Variants in PKIB observed in about 807,000 individuals in gnomAD.
PKIB encodes the protein cAMP-dependent protein kinase inhibitor beta, also known as PKI-beta.
A neutral mutation model predicts 4.5 loss-of-function variants in PKIB; 2 were observed. The observed-to-expected ratio is 0.44, with a 90% confidence interval of 0.18 to 1.39. The LOEUF (loss-of-function observed/expected upper bound fraction) is 1.39. Ranked by LOEUF, PKIB falls within the 40% of genes most tolerant of loss-of-function variation. The pLI is 0.27. For missense variants in PKIB, 94 were observed against 92.6 expected, an observed-to-expected ratio of 1.02 and a Z score of -0.06; for synonymous variants, 38 against 36.0, an observed-to-expected ratio of 1.06 and a Z score of -0.20.
At chr6:122,529,503 C>T (rs1425101194) in intron 2 of PKIB, among the ~76,000 whole-genome samples, 1 of 152,052 alleles carries the variant, frequency 6.6e-6, no homozygotes, top group Non-Finnish European at 1.5e-5. Flanking sequence ...TATAAATTTA[C>T]CTTTACGAGA....
chr6:122,518,305 C>T (rs746165617), intron 2 of PKIB, among the ~76,000 whole-genome samples: 18 of 152,044 alleles, frequency 1.2e-4, no homozygotes, highest in Non-Finnish European at 2.2e-4. Context: ...TTTAAGAGTT[C>T]AAGATTTAAG....
At chr6:122,485,120 T>C (rs1775725451) in intron 2 of PKIB, among the ~76,000 whole-genome samples, 1 of 152,206 alleles carries the variant, frequency 6.6e-6, no homozygotes, top group Non-Finnish European at 1.5e-5. Context: ...GCTGTGATTC[T>C]GGGGGCTGCC....
rs1174101766 is a variant in PKIB, at chr6:122,726,290, T to C, written c.*1095T>C. ...TTTCAGAAATATATGCATGCAGTTA[T>C]GTTTTATTTGATTGTTGACTTAGGC... On this transcript the variant is annotated 3_prime_UTR_variant, in exon 5 of 5. Transcript: ENST00000368452. 4 of 152,178 alleles carry C rather than the reference T, an allele frequency of 2.6e-5. No homozygotes were observed. Among genetic ancestry groups the C allele is most frequent in the Non-Finnish European group, 5.9e-5 (4 of 68,008 alleles). The allele number at this position is 152,178 out of a possible 1,614,324, so 9.4% of individuals were successfully genotyped here.
At chr6:122,625,555 T>C (rs1775402573) in intron 1 of PKIB, among the ~76,000 whole-genome samples, 1 of 152,060 alleles carries the variant, frequency 6.6e-6, no homozygotes, top group Non-Finnish European at 1.5e-5. Context: ...GGAGAATCGA[T>C]TGAACCTGAG....
chr6:122,556,072 C>T (rs1217063396), intron 2 of PKIB, among the ~76,000 whole-genome samples: 2 of 152,160 alleles, frequency 1.3e-5, no homozygotes. Context: ...TTGGGGAAGG[C>T]ACCTTGTGGG....
chr6:122,723,946 T>G (rs533607439), intron 4 of PKIB, among the ~76,000 whole-genome samples: 1 of 152,210 alleles, frequency 6.6e-6, no homozygotes, highest in Non-Finnish European at 1.5e-5. Flanking sequence ...GAGCCGGGAT[T>G]CATGTTTTGT....
At chr6:122,500,190 T>A (rs1378560059) in intron 2 of PKIB, among the ~76,000 whole-genome samples, 1 of 152,188 alleles carries the variant, frequency 6.6e-6, no homozygotes, top group Non-Finnish European at 1.5e-5. Context: ...ATCTTTAATC[T>A]ATTCAGCATT....
intron 2 of PKIB, among the ~76,000 whole-genome samples, chr6:122,548,027 G>A (rs1426406188): frequency 6.6e-6 from 1 of 150,574 alleles, no homozygotes; most frequent in Non-Finnish European, 1.5e-5. Context: ...ATAAACTTTG[G>A]GTACATAGGC....
At chr6:122,691,524 C>A (rs111849072) in intron 3 of PKIB, among the ~76,000 whole-genome samples, 41 of 152,190 alleles carry the variant, frequency 2.7e-4, no homozygotes, top group African/African-American at 9.9e-4. Flanking sequence ...TCCAGAATTT[C>A]TGCTTGATTC....
chr6:122,525,096 TTC>T (rs772716991), intron 2 of PKIB, among the ~76,000 whole-genome samples: 3 of 152,042 alleles, frequency 2.0e-5, no homozygotes, highest in Non-Finnish European at 4.4e-5. Flanking sequence ...AGATATAATC[TTC>T]TCTCTTAGCA....
intron 3 of PKIB, among the ~76,000 whole-genome samples, chr6:122,599,879 G>T (rs561204874): frequency 3.6e-4 from 55 of 152,176 alleles, no homozygotes; most frequent in African/African-American, 1.3e-3. Flanking sequence ...ACCAATGAAA[G>T]AACTCCATCC....
chr6:122,669,090 G>A (rs1266561538), intron 2 of PKIB, among the ~76,000 whole-genome samples: 2 of 152,100 alleles, frequency 1.3e-5, no homozygotes, highest in East Asian at 3.9e-4. Flanking sequence ...CAGCCTCCTA[G>A]AAAGAATATG....
intron 2 of PKIB, among the ~76,000 whole-genome samples, chr6:122,569,097 C>A (rs1364222501): frequency 6.6e-6 from 1 of 152,180 alleles, no homozygotes; most frequent in Non-Finnish European, 1.5e-5. Flanking sequence ...CTCCTTGACC[C>A]TCATAGGGCC....
intron 2 of PKIB, among the ~76,000 whole-genome samples, chr6:122,562,701 T>C (rs1043242187): frequency 3.9e-5 from 6 of 152,322 alleles, no homozygotes; most frequent in Admixed American, 6.5e-5. Flanking sequence ...ATTAGAAGGC[T>C]TTGTCTTCAA....
chr6:122,594,750 G>T (rs939268430), intron 3 of PKIB, among the ~76,000 whole-genome samples: 1 of 152,100 alleles, frequency 6.6e-6, no homozygotes, highest in Admixed American at 6.5e-5. Flanking sequence ...TGGACCATTT[G>T]TAGTCCTGCC....
chr6:122,522,512 C>G (rs1273742889), intron 2 of PKIB, among the ~76,000 whole-genome samples: 1 of 152,204 alleles, frequency 6.6e-6, no homozygotes, highest in Non-Finnish European at 1.5e-5. Context: ...TCTGCCCAAA[C>G]AGCCATCCAG....
intron 3 of PKIB, among the ~76,000 whole-genome samples, chr6:122,698,428 G>T (rs141558015): frequency 1.3e-5 from 2 of 152,272 alleles, no homozygotes; most frequent in East Asian, 1.9e-4. Context: ...GCATTACCAG[G>T]CATTGCAGTA....
At chr6:122,533,988 T>A (rs1777332483) in intron 2 of PKIB, among the ~76,000 whole-genome samples, 1 of 151,912 alleles carries the variant, frequency 6.6e-6, no homozygotes, top group Non-Finnish European at 1.5e-5. Context: ...TTTTGGAAAC[T>A]TCTACCCACT....
At chr6:122,524,321 T>TTCC (rs1272514409) in intron 2 of PKIB, among the ~76,000 whole-genome samples, 3 of 148,060 alleles carry the variant, frequency 2.0e-5, no homozygotes, top group Non-Finnish European at 4.5e-5. Flanking sequence ...TCTTTTCCTC[T>TTCC]TCCTCCTCCT....
Sources: gnomAD v4.1 joint callset for allele counts (sites outside exome capture counted in the v4.1 genomes callset) on GRCh38, gnomAD v4.1.1 for gene constraint, MANE v1.5 for transcripts, NCBI Gene and HGNC (gene_info 2026-07-23, HGNC 2026-07-21) for gene names.